The following RPA3 variants were observed in gnomAD, a reference collection of about 807,000 sequenced individuals.
RPA3 encodes the protein replication protein A3, also known as replication protein A 14 kDa subunit.
A neutral mutation model predicts 13.7 loss-of-function variants in RPA3; 24 were observed. The observed-to-expected ratio is 1.75, with a 90% confidence interval of 1.27 to 2.46. RPA3 has a LOEUF of 2.46. RPA3 is among the 30% of genes most tolerant of loss of function. The probability of loss-of-function intolerance (pLI) is 0.00; values close to 1 mark genes in which losing one functional copy is unlikely to be tolerated. For synonymous variants in RPA3, 59 were observed against 51.2 expected (o/e 1.15, Z -0.65); for missense variants, 183 against 151.0 (o/e 1.21, Z -1.11).
chr7:7,689,260 C>G (rs1428010594), intron 2 of RPA3: 2 of 152,164 alleles, frequency 1.3e-5, no homozygotes, highest in African/African-American at 4.8e-5. Context: ...AGACTGCCAC[C>G]TCTTCTCGTG....
intron 4 of RPA3, among the ~76,000 whole-genome samples, chr7:7,674,592 T>C (rs1779691193): frequency 6.6e-6 from 1 of 152,188 alleles, no homozygotes; most frequent in Non-Finnish European, 1.5e-5. Flanking sequence ...ATAGTGGGGC[T>C]TAGTCTTTGA....
chr7:7,687,754 T>A (rs1780074415), intron 2 of RPA3, among the ~76,000 whole-genome samples: 1 of 152,234 alleles, frequency 6.6e-6, no homozygotes, highest in Non-Finnish European at 1.5e-5. Context: ...CACACACATA[T>A]TTTTAATGAT....
At chr7:7,717,915 A>C (rs1321720673) in intron 1 of RPA3, among the ~76,000 whole-genome samples, 1 of 152,216 alleles carries the variant, frequency 6.6e-6, no homozygotes, top group Non-Finnish European at 1.5e-5. Flanking sequence ...CTTTTCTATT[A>C]ATAAACTTGA....
chr7:7,670,190 T>A (rs535515724), intron 4 of RPA3, among the ~76,000 whole-genome samples: 1 of 152,298 alleles, frequency 6.6e-6, no homozygotes, highest in South Asian at 2.1e-4. Flanking sequence ...AACTTAAACT[T>A]TTGGGGTTGG....
At chr7:7,666,103 C>G (rs1241501006) in intron 4 of RPA3, among the ~76,000 whole-genome samples, 1 of 152,138 alleles carries the variant, frequency 6.6e-6, no homozygotes, top group East Asian at 1.9e-4. Context: ...GTGGCTGTAC[C>G]ATATTACCCT....
At chr7:7,689,176 G>A (rs1780112142) in intron 2 of RPA3, among the ~76,000 whole-genome samples, 1 of 152,026 alleles carries the variant, frequency 6.6e-6, no homozygotes, top group Non-Finnish European at 1.5e-5. Context: ...CTTAGGAATG[G>A]GCACCCATCA....
chr7:7,655,828 T>G (rs1211915977), intron 4 of RPA3, among the ~76,000 whole-genome samples: 1 of 151,862 alleles, frequency 6.6e-6, no homozygotes, highest in Non-Finnish European at 1.5e-5. Context: ...AGTCTCTCTC[T>G]CTCTCTCTCT....
intron 4 of RPA3, among the ~76,000 whole-genome samples, chr7:7,666,015 G>A (rs543993464): frequency 2.0e-5 from 3 of 151,776 alleles, no homozygotes; most frequent in African/African-American, 4.8e-5. Flanking sequence ...GTGGACCTAC[G>A]TTTTCATTTC....
In RPA3 at chr7:7,683,324, A is replaced by G. The variant is rs2095443022; in HGVS notation, c.-758+2506T>C. Among the ~76,000 whole-genome samples, 4 of 152,302 alleles carry G rather than the reference A, an allele frequency of 2.6e-5. No individual in the cohort carries two copies. The South Asian group carries it at 8.3e-4, about 32-fold the overall frequency. On this transcript the variant is annotated intron_variant, in intron 4 of 7. Coordinates refer to ENST00000223129, the MANE Select transcript of RPA3 (RefSeq NM_002947.5). ...ATTAAAAGGTCCTGGGATTAGGCCC[A>G]GGAATTGATTTTTTCCCCCCAGAGT...
intron 4 of RPA3, among the ~76,000 whole-genome samples, chr7:7,651,748 ACT>A (rs2115550849): frequency 6.6e-6 from 1 of 152,102 alleles, no homozygotes; most frequent in African/African-American, 2.4e-5. Flanking sequence ...ATCATATGTG[ACT>A]CTGCTGGGTG....
At chr7:7,675,207 T>C (rs966770420) in intron 4 of RPA3, among the ~76,000 whole-genome samples, 4 of 152,206 alleles carry the variant, frequency 2.6e-5, no homozygotes, top group Non-Finnish European at 5.9e-5. Flanking sequence ...CATTATTCTT[T>C]TTGTTATCAA....
chr7:7,704,484 G>T (rs1031826946), intron 2 of RPA3, among the ~76,000 whole-genome samples: 1 of 151,446 alleles, frequency 6.6e-6, no homozygotes, highest in African/African-American at 2.4e-5. Context: ...GGCCGGGCGC[G>T]GTGGCTCATG....
chr7:7,672,909 A>T (rs1268589021), intron 4 of RPA3, among the ~76,000 whole-genome samples: 2 of 152,204 alleles, frequency 1.3e-5, no homozygotes, highest in Non-Finnish European at 2.9e-5. Flanking sequence ...ATGAGGCTTA[A>T]GGTAGTCACA....
intron 3 of RPA3, among the ~76,000 whole-genome samples, 183 bp from the exon 4 acceptor site, chr7:7,686,181 C>G (rs1182635818): frequency 6.6e-6 from 1 of 152,048 alleles, no homozygotes; most frequent in East Asian, 1.9e-4. Context: ...CAAAACTATT[C>G]TAGGTGGTGG....
intron 4 of RPA3, among the ~76,000 whole-genome samples, chr7:7,659,125 G>C (rs902228954): frequency 6.6e-6 from 1 of 152,134 alleles, no homozygotes; most frequent in Non-Finnish European, 1.5e-5. Flanking sequence ...ATGGTAGTTT[G>C]TATTGCTGTG....
At chr7:7,694,337 T>C (rs1780254210) in intron 2 of RPA3, among the ~76,000 whole-genome samples, 1 of 152,146 alleles carries the variant, frequency 6.6e-6, no homozygotes, top group Non-Finnish European at 1.5e-5. Context: ...GTAAATGGGA[T>C]ATCCATCACG....
chr7:7,709,451 G>A lies in RPA3; in HGVS notation c.-1028+5724C>T, dbSNP rs1583760955. 2.6e-5 allele frequency among the ~76,000 whole-genome samples: 4 copies of A among 152,332 alleles called. No individual in the cohort carries two copies. The East Asian group carries it at 7.7e-4, about 29-fold the overall frequency. Reference sequence around the variant, plus strand: ...GTGTTGACTTAAAGCATTGCCACCCGAGGAGGGCAGAATGCTGTAAAACAA... The same window carrying A: ...GTGTTGACTTAAAGCATTGCCACCCAAGGAGGGCAGAATGCTGTAAAACAA... On this transcript the variant is annotated intron_variant, in intron 2 of 7. Coordinates refer to ENST00000223129, the MANE Select transcript of RPA3 (RefSeq NM_002947.5).
chr7:7,709,509 G>T (rs1272657887), intron 2 of RPA3, among the ~76,000 whole-genome samples: 7 of 152,220 alleles, frequency 4.6e-5, no homozygotes, highest in Admixed American at 4.6e-4. Context: ...GAAGGTGAAT[G>T]ACTGGGGGAC....
chr7:7,704,800 C>A (rs538898051), intron 2 of RPA3, among the ~76,000 whole-genome samples: 179 of 135,134 alleles, frequency 1.3e-3, no homozygotes, highest in Non-Finnish European at 2.3e-3. Context: ...AAAAGACTTG[C>A]TTCTGTACTT....
Sources: gnomAD v4.1 joint callset for allele counts (sites outside exome capture counted in the v4.1 genomes callset) on GRCh38, gnomAD v4.1.1 for gene constraint, MANE v1.5 for transcripts, NCBI Gene and HGNC (gene_info 2026-07-23, HGNC 2026-07-21) for gene names.